INSC: variants seen among roughly 807,000 people sequenced by gnomAD.
The protein encoded by INSC is INSC spindle orientation adaptor protein.
Under a neutral mutation model 58.6 loss-of-function variants are expected in INSC, and 67 were observed. The ratio of observed to expected loss-of-function variants is 1.14; its 90% confidence interval spans 0.94 to 1.40. The LOEUF (loss-of-function observed/expected upper bound fraction) is 1.40, where lower values mean the gene tolerates loss of function less well. Among genes scored for constraint, INSC ranks in the 40% most tolerant of loss-of-function variants. The pLI is 0.00. For missense variants in INSC, 714 were observed against 692.0 expected (o/e 1.03, Z -0.36); for synonymous variants, 262 against 276.1 (o/e 0.95, Z 0.51).
intron 6 of INSC, among the ~76,000 whole-genome samples, chr11:15,200,189 A>ACG (rs1554918996): frequency 0.016 from 2,422 of 150,506 alleles, 69 homozygotes; most frequent in African/African-American, 0.056. Flanking sequence ...ACACACACAC[A>ACG]CAAACAGGAG....
At chr11:15,206,681 T>C (rs928555909) in intron 7 of INSC, among the ~76,000 whole-genome samples, 1 of 152,118 alleles carries the variant, frequency 6.6e-6, no homozygotes, top group Non-Finnish European at 1.5e-5. Flanking sequence ...GGGGGAGGAC[T>C]GCAGGGTTTG....
At chr11:15,156,968 A>T (rs1037960006) in intron 2 of INSC, among the ~76,000 whole-genome samples, 1 of 152,210 alleles carries the variant, frequency 6.6e-6, no homozygotes, top group Non-Finnish European at 1.5e-5. Flanking sequence ...ATAACCTGGT[A>T]TGTGGAGATG....
chr11:15,163,288 CACAA>C (rs1335372291), intron 2 of INSC, among the ~76,000 whole-genome samples: 3 of 152,148 alleles, frequency 2.0e-5, no homozygotes, highest in Non-Finnish European at 2.9e-5. Flanking sequence ...GTTTTAGATA[CACAA>C]ACAATTTCTT....
chr11:15,192,533 C>T (rs1406012568), intron 6 of INSC, among the ~76,000 whole-genome samples: 2 of 152,208 alleles, frequency 1.3e-5, no homozygotes, highest in African/African-American at 4.8e-5. Flanking sequence ...TCTGAGTCAT[C>T]TCTGTGTCCT....
At chr11:15,233,081 T>C (rs1473075316) in intron 9 of INSC, among the ~76,000 whole-genome samples, 1 of 152,136 alleles carries the variant, frequency 6.6e-6, no homozygotes, top group African/African-American at 2.4e-5. Flanking sequence ...GCCAAGATCA[T>C]AGCAAAATGT....
intron 12 of INSC, 26 bp from the exon 13 acceptor site, chr11:15,245,886 T>C (rs1443470759): frequency 1.9e-6 from 3 of 1,609,500 alleles, no homozygotes; most frequent in Non-Finnish European, 2.5e-6. Context: ...GTCTGACACG[T>C]GTCACCTCTT....
intron 11 of INSC, 50 bp downstream of exon 11, chr11:15,239,124 G>C (rs184116564): frequency 7.0e-6 from 11 of 1,571,184 alleles, no homozygotes; most frequent in African/African-American, 1.3e-5. Flanking sequence ...GGTATTGGGG[G>C]TGGGAGCAGC....
downstream of INSC, among the ~76,000 whole-genome samples, chr11:15,251,654 A>G (rs1431109607): frequency 6.6e-6 from 1 of 152,218 alleles, no homozygotes; most frequent in African/African-American, 2.4e-5. Flanking sequence ...AAAGATGCTC[A>G]ACATCATGAG....
At chr11:15,138,905 C>T (rs569387439) in intron 1 of INSC, among the ~76,000 whole-genome samples, 3 of 152,216 alleles carry the variant, frequency 2.0e-5, no homozygotes, top group South Asian at 2.1e-4. Flanking sequence ...TTTGGATTTT[C>T]GAGACCTCAC....
intron 1 of INSC, among the ~76,000 whole-genome samples, chr11:15,138,178 C>T (rs1848290837): frequency 6.6e-6 from 1 of 151,868 alleles, no homozygotes; most frequent in Non-Finnish European, 1.5e-5. Context: ...TTGTGACCCC[C>T]CCAAAACAAC....
At chr11:15,141,048 C>T (rs1343135458) in intron 1 of INSC, among the ~76,000 whole-genome samples, 1 of 152,108 alleles carries the variant, frequency 6.6e-6, no homozygotes, top group Non-Finnish European at 1.5e-5. Context: ...ACAGTAAACA[C>T]CTAAGAAGTG....
chr11:15,170,443 G>A (rs1849357135), intron 2 of INSC, among the ~76,000 whole-genome samples: 1 of 152,038 alleles, frequency 6.6e-6, no homozygotes, highest in East Asian at 1.9e-4. Flanking sequence ...TTTGTAGAAT[G>A]TCCCTCAGTT....
chr11:15,242,534 G>A (rs767107289), intron 12 of INSC, among the ~76,000 whole-genome samples: 10 of 151,898 alleles, frequency 6.6e-5, no homozygotes, highest in Non-Finnish European at 8.8e-5. Context: ...CCATCTGTTC[G>A]GCCCTTCTCA....
intron 5 of INSC, among the ~76,000 whole-genome samples, chr11:15,186,788 G>A (rs1849983752): frequency 6.6e-6 from 1 of 151,972 alleles, no homozygotes; most frequent in Non-Finnish European, 1.5e-5. Context: ...TTTCACCTGA[G>A]ATGGTTTATC....
chr11:15,116,392 G>A (rs1197596995), intron 1 of INSC, among the ~76,000 whole-genome samples: 1 of 152,182 alleles, frequency 6.6e-6, no homozygotes, highest in Non-Finnish European at 1.5e-5. Context: ...ACCCTACTTT[G>A]AGTCTCCCTC....
At chr11:15,177,804 A>C (rs1467659399) in intron 4 of INSC, among the ~76,000 whole-genome samples, 1 of 152,182 alleles carries the variant, frequency 6.6e-6, no homozygotes, top group Non-Finnish European at 1.5e-5. Flanking sequence ...GAACACTGTC[A>C]GGCCACAGGA....
chr11:15,204,118 G>A (rs1407624336), intron 7 of INSC, among the ~76,000 whole-genome samples: 1 of 152,224 alleles, frequency 6.6e-6, no homozygotes, highest in African/African-American at 2.4e-5. Context: ...CACGGTGAGA[G>A]GAACAATAAC....
Position 15,246,140 on chromosome 11 carries a change from A to T in INSC, c.*100A>T. On this transcript the variant is annotated 3_prime_UTR_variant, in exon 13 of 13. Transcript: ENST00000379556. ...ACATACCAGCTCTCCTCATCTTCTT[A>T]TTTATACTTAACTTATTTTTGTGTG... 1 of 1,271,458 alleles carries T rather than the reference A, an allele frequency of 7.9e-7. No individual in the cohort carries two copies. Among genetic ancestry groups the T allele is most frequent in the Non-Finnish European group, 1.1e-6 (1 of 925,384 alleles). 78.8% of individuals were successfully genotyped at this position (1,271,458 alleles called of 1,614,324 possible).
At chr11:15,116,448 C>T (rs189787797) in intron 1 of INSC, among the ~76,000 whole-genome samples, 1 of 152,274 alleles carries the variant, frequency 6.6e-6, no homozygotes, top group Admixed American at 6.5e-5. Context: ...CCTTTCCTTT[C>T]TTCCAGTGGT....
Sources: gnomAD v4.1 joint callset for allele counts (sites outside exome capture counted in the v4.1 genomes callset) on GRCh38, gnomAD v4.1.1 for gene constraint, MANE v1.5 for transcripts, NCBI Gene and HGNC (gene_info 2026-07-23, HGNC 2026-07-21) for gene names.